The following MAPK14 variants were observed in gnomAD, a reference collection of about 807,000 sequenced individuals.
The protein encoded by MAPK14 is CSAID-binding protein.
Under a neutral mutation model 49.6 loss-of-function variants are expected in MAPK14, and 16 were observed. The ratio of observed to expected loss-of-function variants is 0.32; its 90% CI spans 0.22 to 0.49. MAPK14 has a LOEUF of 0.49. Ranked by LOEUF, MAPK14 falls within the 20% of genes least tolerant of loss-of-function variation. MAPK14 has a pLI of 0.99. For synonymous variants in MAPK14, 142 were observed against 158.0 expected (o/e 0.90, Z 0.76); for missense variants, 200 against 441.2 (o/e 0.45, Z 4.90).
chr6:36,058,656 T>A (rs1170540528), intron 2 of MAPK14, among the ~76,000 whole-genome samples: 1 of 152,152 alleles, frequency 6.6e-6, no homozygotes, highest in Non-Finnish European at 1.5e-5. Context: ...GCCAGCACTT[T>A]GGGATGCTGA....
intron 8 of MAPK14, among the ~76,000 whole-genome samples, chr6:36,082,394 G>C (rs1053886883): frequency 6.6e-6 from 1 of 152,200 alleles, no homozygotes; most frequent in Non-Finnish European, 1.5e-5. Flanking sequence ...TGTTGGGGAA[G>C]TTCTCTTCTT....
chr6:36,094,654 C>T (rs1400059918), intron 8 of MAPK14, among the ~76,000 whole-genome samples: 1 of 152,198 alleles, frequency 6.6e-6, no homozygotes, highest in Non-Finnish European at 1.5e-5. Flanking sequence ...AAATTTCTTT[C>T]ATCCTGCTCT....
At chr6:36,105,991 C>T (rs1765786618) in intron 10 of MAPK14, among the ~76,000 whole-genome samples, 1 of 152,172 alleles carries the variant, frequency 6.6e-6, no homozygotes, top group African/African-American at 2.4e-5. Flanking sequence ...GGGAAGGAAA[C>T]CCAGTGAATG....
chr6:36,055,079 T>C (rs1763542404), intron 2 of MAPK14, among the ~76,000 whole-genome samples: 1 of 152,260 alleles, frequency 6.6e-6, no homozygotes, highest in Non-Finnish European at 1.5e-5. Context: ...CCTCTGTGAC[T>C]GTGAGAGTTT....
At chr6:36,092,513 C>A in intron 8 of MAPK14, 1 of 536,402 alleles carries the variant, frequency 1.9e-6, no homozygotes, top group Non-Finnish European at 3.5e-6. Flanking sequence ...TCACTGAGTC[C>A]CAAGTTCCAG....
intron 9 of MAPK14, among the ~76,000 whole-genome samples, chr6:36,101,614 A>G (rs1765640949): frequency 6.6e-6 from 1 of 151,898 alleles, no homozygotes; most frequent in South Asian, 2.1e-4. Context: ...TCCCTGCTCA[A>G]GCGATCCTGT....
chr6:36,092,280 A>G (rs1562145359), intron 8 of MAPK14: 2 of 584,328 alleles, frequency 3.4e-6, no homozygotes, highest in Non-Finnish European at 6.7e-6. Context: ...AACATTCAGC[A>G]GCGTCCCCTT....
At chr6:36,108,005 A>G (rs1765849787) in intron 11 of MAPK14, among the ~76,000 whole-genome samples, 1 of 152,198 alleles carries the variant, frequency 6.6e-6, no homozygotes, top group African/African-American at 2.4e-5. Context: ...AATGGAACCC[A>G]TGTATCCTGT....
Position 36,059,305 on chromosome 6 carries a change from A to C in MAPK14, c.263A>C (p.Asp88Ala). Residue 88 changes from aspartate (D) to alanine (A), a missense_variant, in exon 3 of 12, where the codon GAC becomes GCC. By Grantham distance (126) the Asp-to-Ala change is moderately radical (BLOSUM62 -2). Transcript: ENST00000229794. ...TTCTTACAGGTGATTGGTCTGTTGGACGTTTTTACACCTGCAAGGTCTCTG... is the reference window on the plus strand; with the variant it reads ...TTCTTACAGGTGATTGGTCTGTTGGCCGTTTTTACACCTGCAAGGTCTCTG... ...MKHENVIGLL[D>A]VFTPARSLEE... 6.2e-7 allele frequency: 1 copy of C among 1,609,464 alleles called. No homozygotes were observed. Among genetic ancestry groups the C allele is most frequent in the Non-Finnish European group, 8.5e-7 (1 of 1,176,088 alleles).
At chr6:36,067,125 CTAAA>C (rs1411623387) in intron 3 of MAPK14, among the ~76,000 whole-genome samples, 3 of 152,048 alleles carry the variant, frequency 2.0e-5, no homozygotes, top group African/African-American at 7.2e-5. Context: ...CATTTGAAAT[CTAAA>C]TAAGTTACAT....
chr6:36,059,404 A>T lies in MAPK14; in HGVS notation c.305+57A>T. 2.5e-6 allele frequency: 3 copies of T among 1,204,846 alleles called. No individual in the cohort carries two copies. In the South Asian group the frequency reaches 3.7e-5, roughly 15 times the overall value. The allele number at this position is 1,204,846 out of a possible 1,614,324, so 74.6% of individuals were successfully genotyped here. A position where few individuals can be genotyped will look rare whatever the true frequency, so the allele number is the denominator to read the frequency against. ...TCTACAGAATGAAGACTAATAGCCC[A>T]TTTCTATTCCTGAACCATTTAGCAA... On this transcript the variant is annotated intron_variant, in intron 3 of 11. Transcript: ENST00000229794.
chr6:36,122,012 T>C, the MAPK14 span, among the ~76,000 whole-genome samples: 1 of 152,226 alleles, frequency 6.6e-6, no homozygotes, highest in African/African-American at 2.4e-5. Context: ...TAAATGCATA[T>C]AATAGAAAAT....
At chr6:36,123,067 T>A in the MAPK14 span, among the ~76,000 whole-genome samples, 1 of 149,960 alleles carries the variant, frequency 6.7e-6, no homozygotes, top group Non-Finnish European at 1.5e-5. Context: ...CTTGTAGATG[T>A]GAGTTTAGAG....
At chr6:36,113,113 C>T (rs1158481451), downstream of MAPK14, among the ~76,000 whole-genome samples, 1 of 152,038 alleles carries the variant, frequency 6.6e-6, no homozygotes, top group Non-Finnish European at 1.5e-5. Flanking sequence ...TAATAATGTA[C>T]ATGCCCTTTG....
At chr6:36,037,875 A>G (rs953117919) in intron 1 of MAPK14, among the ~76,000 whole-genome samples, 2 of 152,116 alleles carry the variant, frequency 1.3e-5, no homozygotes, top group South Asian at 4.2e-4. Context: ...TGTAGTTCCA[A>G]CTACTTGGGA....
At chr6:36,066,183 G>A (rs978891028) in intron 3 of MAPK14, among the ~76,000 whole-genome samples, 1 of 152,140 alleles carries the variant, frequency 6.6e-6, no homozygotes, top group African/African-American at 2.4e-5. Flanking sequence ...GGGAACTGAG[G>A]TTGAGAGAGA....
chr6:36,091,844 C>CTTTTTTTTTTTTTT (rs1185804651), intron 8 of MAPK14: 4 of 124,844 alleles, frequency 3.2e-5, no homozygotes, highest in Non-Finnish European at 6.6e-5. Context: ...CTTTTCTTTT[C>CTTTTTTTTTTTTTT]TTTTTTTTTT....
chr6:36,105,617 T>C (rs1765776450), intron 10 of MAPK14, among the ~76,000 whole-genome samples: 1 of 152,226 alleles, frequency 6.6e-6, no homozygotes, highest in Non-Finnish European at 1.5e-5. Flanking sequence ...TACTGTAAAG[T>C]GTAAACTTAT....
chr6:36,059,535 A>G (rs1763723582), intron 3 of MAPK14, among the ~76,000 whole-genome samples, 188 bp downstream of exon 3: 1 of 152,228 alleles, frequency 6.6e-6, no homozygotes, highest in African/African-American at 2.4e-5. Flanking sequence ...TAGTATTTAC[A>G]TCATTTCAGG....
Sources: gnomAD v4.1 joint callset for allele counts (sites outside exome capture counted in the v4.1 genomes callset) on GRCh38, gnomAD v4.1.1 for gene constraint, MANE v1.5 for transcripts, NCBI Gene and HGNC (gene_info 2026-07-23, HGNC 2026-07-21) for gene names.